HERC2: variants seen among roughly 807,000 people sequenced by gnomAD.
HERC2 encodes HECT and RLD domain containing E3 ubiquitin protein ligase 2.
HERC2 carries 102 observed loss-of-function variants against 537.7 expected under a neutral mutation model. The observed-to-expected ratio is 0.19, with a 90% CI of 0.16 to 0.22. The LOEUF (loss-of-function observed/expected upper bound fraction) is 0.22, where lower values mean the gene tolerates loss of function less well. Among genes scored for constraint, HERC2 ranks in the 10% least tolerant of loss-of-function variants. The probability of loss-of-function intolerance (pLI) is 1.00; values close to 1 mark genes in which losing one functional copy is unlikely to be tolerated. For missense variants in HERC2, 4,236 were observed against 6,198.2 expected (o/e 0.68, Z 10.63); for synonymous variants, 2,224 against 2,466.2 (o/e 0.90, Z 2.91).
At chr15:28,116,211 CTT>C (rs1204544918) in intron 88 of HERC2, among the ~76,000 whole-genome samples, 3 of 133,666 alleles carry the variant, frequency 2.2e-5, no homozygotes, top group Non-Finnish European at 4.7e-5. Context: ...TATTAAAAGT[CTT>C]TTCTTTTTCT....
chr15:28,160,688 G>C lies in HERC2; in HGVS notation c.10746+2406C>G, dbSNP rs1054303242. Reference sequence around the variant, plus strand: ...CTGACCCCTTGTGCTTCCCAGGTGAGGCGATGCCTCGCCCTGCTTCAGCTC... The same window carrying C: ...CTGACCCCTTGTGCTTCCCAGGTGACGCGATGCCTCGCCCTGCTTCAGCTC... On this transcript the variant is annotated intron_variant, in intron 69 of 92. Coordinates refer to ENST00000261609, the MANE Select transcript of HERC2 (RefSeq NM_004667.6). Among the ~76,000 whole-genome samples the C allele has an allele frequency of 2.0e-5, 3 of 152,224 alleles. No individual in the cohort carries two copies. In the East Asian group the frequency reaches 5.8e-4, roughly 29 times the overall value.
At chr15:28,167,524 T>G (rs539499563) in intron 68 of HERC2, among the ~76,000 whole-genome samples, 163 bp downstream of exon 68, 35 of 152,202 alleles carry the variant, frequency 2.3e-4, no homozygotes, top group Non-Finnish European at 4.3e-4. Flanking sequence ...ACAGGGACCG[T>G]GTCCTGCGGC....
chr15:28,280,885 G>A (rs2076004959), intron 4 of HERC2, among the ~76,000 whole-genome samples: 1 of 152,056 alleles, frequency 6.6e-6, no homozygotes, highest in South Asian at 2.1e-4. Context: ...ACTCCAGCCT[G>A]GGTGACAGAG....
intron 23 of HERC2, among the ~76,000 whole-genome samples, chr15:28,242,021 A>T (rs1903179724): frequency 6.6e-6 from 1 of 152,196 alleles, no homozygotes; most frequent in Non-Finnish European, 1.5e-5. Context: ...ACTTTGCACA[A>T]CATGGATGAA....
In HERC2 at chr15:28,196,329, T is replaced by C. The variant is rs553201610; in HGVS notation, c.8146A>G (p.Ile2716Val). Residue 2716 changes from isoleucine to valine, a missense_variant, in exon 52 of 93, where the codon ATC (isoleucine) becomes GTC (valine). Ile to Val is a conservative substitution (Grantham distance 29). Transcript: ENST00000261609. ...VTCDGCQMFP[I>V]NGSRFKCRNC... ...CTGCATTTGAATCTGGATCCATTGA[T>C]AGGAAACATCTGACATCCATCACAC... 6 of 1,429,628 alleles carry C rather than the reference T, an allele frequency of 4.2e-6. No individual in the cohort carries two copies. The highest frequency in any genetic ancestry group is 2.5e-5 in the South Asian group (2 of 78,590). 88.6% of individuals were successfully genotyped at this position (1,429,628 alleles called of 1,614,324 possible).
At chr15:28,224,011 T>C (rs1900810650) in intron 35 of HERC2, among the ~76,000 whole-genome samples, 1 of 152,120 alleles carries the variant, frequency 6.6e-6, no homozygotes. Flanking sequence ...AATGCAACTT[T>C]TGGTTGCTAA....
In HERC2 at chr15:28,255,123, C is replaced by T. The variant is rs529704684; in HGVS notation, c.2872-605G>A. 2.6e-4 allele frequency among the ~76,000 whole-genome samples: 40 copies of T among 152,202 alleles called. No homozygotes were observed. In the South Asian group the frequency reaches 5.2e-3, roughly 20 times the overall value. ...GGACAAGGTGGGGGGATCACTGGAGCCCAGGAGTTCGAGACCAGCCTGTGC... is the reference window on the plus strand; with the variant it reads ...GGACAAGGTGGGGGGATCACTGGAGTCCAGGAGTTCGAGACCAGCCTGTGC... On this transcript the variant is annotated intron_variant, in intron 19 of 92. Transcript: ENST00000261609.
rs1317444753 is a variant in HERC2, at chr15:28,164,574, CACAA to C, written c.10555-1293_10555-1290del. On this transcript the variant is annotated intron_variant, in intron 68 of 92. Coordinates refer to ENST00000261609, the MANE Select transcript of HERC2 (RefSeq NM_004667.6). The stretch of plus-strand genomic sequence containing the variant: ...GAGGGTGTCTTAAAACATGCACACA[CACAA>C]ACACAGAAAATATGTCTAGAAGAAT... 4.6e-5 allele frequency among the ~76,000 whole-genome samples: 7 copies of C among 152,012 alleles called. No individual in the cohort carries two copies. In the East Asian group the frequency reaches 1.2e-3, roughly 25 times the overall value.
At chr15:28,296,513 G>A (rs939726868) in intron 3 of HERC2, among the ~76,000 whole-genome samples, 3 of 152,094 alleles carry the variant, frequency 2.0e-5, no homozygotes, top group African/African-American at 7.2e-5. Context: ...CAAATGTAAT[G>A]AATAAAACAT....
chr15:28,190,899 A>T, intron 55 of HERC2, 66 bp downstream of exon 55: 1 of 1,078,098 alleles, frequency 9.3e-7, no homozygotes, highest in South Asian at 1.3e-5. Flanking sequence ...CTAGTATAGA[A>T]ATGGCCAAGT....
intron 2 of HERC2, 106 bp from the exon 3 acceptor site, chr15:28,299,622 A>G (rs1372811643): frequency 4.7e-6 from 3 of 633,022 alleles, no homozygotes; most frequent in East Asian, 5.2e-5. Context: ...GTATTCGATC[A>G]TTTGGTAATA....
intron 2 of HERC2, chr15:28,320,070 C>CT (rs2077190854): frequency 6.6e-6 from 1 of 151,910 alleles, no homozygotes. Context: ...TCTCTGTACT[C>CT]TGTCTTATGT....
At chr15:28,195,599 T>C (rs7176930) in intron 52 of HERC2, among the ~76,000 whole-genome samples, 19,515 of 151,530 alleles carry the variant, frequency 0.13, 4,276 homozygotes, top group African/African-American at 0.45. Context: ...TTATATGGTT[T>C]CACCTAGATG....
Position 28,114,663 on chromosome 15 carries a change from T to C in HERC2, c.13862A>G (p.His4621Arg). The change falls in exon 90 of 93, where the codon CAC (histidine) becomes CGC (arginine). Residue 4621 changes from histidine to arginine, a missense_variant. Around this residue, in one of 27 missense-constraint regions of HERC2, gnomAD observed 313 missense variants for 462.6 expected, o/e 0.68. Coordinates refer to ENST00000261609, the MANE Select transcript of HERC2 (RefSeq NM_004667.6). The part of the protein sequence containing the change: ...QDIQLSSKHT[H>R]ITLDNRAEYV... ...CTCCGCGCGGTTGTCCAGGGTGATG[T>C]GTGTGTGCTTGGAGCTCAACTGAAT... 14 of 1,614,102 alleles carry C rather than the reference T, an allele frequency of 8.7e-6. No individual in the cohort carries two copies. Among genetic ancestry groups the C allele is most frequent in the Non-Finnish European group, 1.2e-5 (14 of 1,180,024 alleles).
intron 34 of HERC2, 129 bp downstream of exon 34, chr15:28,229,066 G>A (rs975447572): frequency 1.6e-5 from 14 of 893,854 alleles, no homozygotes; most frequent in Non-Finnish European, 1.7e-5. Flanking sequence ...CAGCAGCATA[G>A]ATTATACAAG....
At chr15:28,194,737 T>G (rs772343997) in intron 52 of HERC2, among the ~76,000 whole-genome samples, 1 of 152,182 alleles carries the variant, frequency 6.6e-6, no homozygotes, top group African/African-American at 2.4e-5. Context: ...TCTATAGTTC[T>G]GTTAGATATG....
In HERC2 at chr15:28,255,869, T is replaced by C. The variant is rs2075242970; in HGVS notation, c.2871+3A>G. Reference sequence around the variant, plus strand: ...CAGGTCACGTGTGCCTCCAAAGCCATACCTGGATCTCTGCAGTAATGGCTG... The same window carrying C: ...CAGGTCACGTGTGCCTCCAAAGCCACACCTGGATCTCTGCAGTAATGGCTG... On this transcript the variant is annotated splice_donor_region_variant and intron_variant, in intron 19 of 92. Transcript: ENST00000261609. 3.1e-6 allele frequency: 5 copies of C among 1,598,786 alleles called. No homozygotes were observed. The highest frequency in any genetic ancestry group is 4.2e-6 in the Non-Finnish European group (5 of 1,179,648).
At chr15:28,187,334 G>GT (rs541527564) in intron 55 of HERC2, among the ~76,000 whole-genome samples, 286 of 148,034 alleles carry the variant, frequency 1.9e-3, no homozygotes, top group African/African-American at 6.2e-3. Context: ...TTTTTTTTTT[G>GT]TTTTTTTGTT....
At chr15:28,166,525 C>G (rs954457734) in intron 68 of HERC2, among the ~76,000 whole-genome samples, 2 of 152,156 alleles carry the variant, frequency 1.3e-5, no homozygotes, top group Non-Finnish European at 2.9e-5. Context: ...ATCTCGGTTT[C>G]CAAATCCTAC....
Sources: allele counts gnomAD v4.1 joint callset (sites outside exome capture counted in the v4.1 genomes callset), GRCh38; gene constraint gnomAD v4.1.1; regional missense constraint gnomAD v4.1.1; transcripts MANE v1.5; gene names NCBI Gene and HGNC (gene_info 2026-07-23, HGNC 2026-07-21).